Variants in TEKT5 observed in about 807,000 individuals in gnomAD.
TEKT5 encodes the protein tektin 5.
A neutral mutation model predicts 48.7 loss-of-function variants in TEKT5; 52 were observed. The ratio of observed to expected loss-of-function variants is 1.07; its 90% CI spans 0.86 to 1.35. TEKT5 has a LOEUF of 1.35. Ranked by LOEUF, TEKT5 falls within the 40% of genes most tolerant of loss-of-function variation. The pLI, the probability that TEKT5 is intolerant of heterozygous loss-of-function variation, is 0.00. For synonymous variants in TEKT5, 318 were observed against 267.6 expected, an observed-to-expected ratio of 1.19 and a Z score of -1.84; for missense variants, 831 against 641.6, an observed-to-expected ratio of 1.30 and a Z score of -3.19.
At chr16:10,628,555 G>C (rs13336239) in intron 6 of TEKT5, among the ~76,000 whole-genome samples, 7,753 of 152,228 alleles carry the variant, frequency 0.051, 636 homozygotes, top group African/African-American at 0.17. Flanking sequence ...TGGATGAGTG[G>C]ATAAGCACAA....
intron 5 of TEKT5, among the ~76,000 whole-genome samples, chr16:10,667,018 C>G (rs540075288): frequency 1.6e-4 from 23 of 142,622 alleles, no homozygotes; most frequent in African/African-American, 4.9e-4. Flanking sequence ...GGGTCTCACT[C>G]TGTTGCACAG....
intron 6 of TEKT5, among the ~76,000 whole-genome samples, chr16:10,635,039 A>G (rs954816447): frequency 1.3e-5 from 2 of 152,132 alleles, no homozygotes; most frequent in African/African-American, 2.4e-5. Flanking sequence ...TAGACAACTA[A>G]GATAATGCCC....
In TEKT5 at chr16:10,635,887, G is replaced by A; in HGVS notation, c.1118C>T (p.Thr373Ile). Residue 373 changes from threonine to isoleucine, a missense_variant, in exon 6 of 7, where the codon ACC becomes ATC. Transcript: ENST00000283025. ...GATGGACCTTTCCAGCAGCATGATG[G>A]TGTTCTCGGCCTGGAAGATCTCCTG... ...TLQEIFQAEN[T>I]IMLLERSIMA... 2 of 1,614,072 alleles carry A rather than the reference G, an allele frequency of 1.2e-6. No homozygotes were observed. The highest frequency in any genetic ancestry group is 1.7e-6 in the Non-Finnish European group (2 of 1,180,044).
Position 10,635,895 on chromosome 16 carries a change from G to A in TEKT5, c.1110C>T (p.Ala370=), listed in dbSNP as rs770152682. The change falls in exon 6 of 7, where the codon GCC becomes GCT. Residue 370 remains alanine, a synonymous_variant. Coordinates refer to ENST00000283025, the MANE Select transcript of TEKT5 (RefSeq NM_144674.2). ...LAKTLQEIFQ[A]ENTIMLLERS... is the part of the protein sequence containing the mutation. ...TTTCCAGCAGCATGATGGTGTTCTC[G>A]GCCTGGAAGATCTCCTGCAGCGTCT... 2.9e-5 allele frequency: 47 copies of A among 1,613,860 alleles called. No homozygotes were observed. Among genetic ancestry groups the A allele is most frequent in the African/African-American group, 9.3e-5 (7 of 74,886 alleles).
In TEKT5 at chr16:10,673,077, C is replaced by A. The variant is rs569940049; in HGVS notation, c.1086+2882G>T. Reference sequence around the variant, plus strand: ...CAAGTTTATAGAGGATTCATCATAACCATGCAGTCTGGCTCAGGGTCAGTG... The same window carrying A: ...CAAGTTTATAGAGGATTCATCATAAACATGCAGTCTGGCTCAGGGTCAGTG... On this transcript the variant is annotated intron_variant, in intron 5 of 6. Coordinates refer to ENST00000283025, the MANE Select transcript of TEKT5 (RefSeq NM_144674.2). Among the ~76,000 whole-genome samples, 14 of 152,234 alleles carry A rather than the reference C, an allele frequency of 9.2e-5. No homozygotes were observed. The South Asian group carries it at 2.5e-3, about 27-fold the overall frequency.
At chr16:10,666,434 C>T (rs1041065648) in intron 5 of TEKT5, among the ~76,000 whole-genome samples, 9 of 152,196 alleles carry the variant, frequency 5.9e-5, no homozygotes, top group Non-Finnish European at 8.8e-5. Context: ...GGCTGCCCTG[C>T]GCCGTGTGGG....
chr16:10,637,623 T>C (rs1897934879), intron 5 of TEKT5, among the ~76,000 whole-genome samples: 1 of 152,400 alleles, frequency 6.6e-6, no homozygotes, highest in Non-Finnish European at 1.5e-5. Context: ...TCTGAGAATG[T>C]TCTACATCTT....
chr16:10,661,414 C>T (rs1185888663), intron 5 of TEKT5, among the ~76,000 whole-genome samples: 1 of 152,204 alleles, frequency 6.6e-6, no homozygotes, highest in Non-Finnish European at 1.5e-5. Context: ...CACCCCAGAT[C>T]TCAGCACAGA....
intron 4 of TEKT5, among the ~76,000 whole-genome samples, chr16:10,679,325 C>T (rs777138017): frequency 1.1e-4 from 16 of 151,990 alleles, no homozygotes; most frequent in Admixed American, 6.6e-5. Context: ...GGCGTGGTGG[C>T]ATGTGCCTGC....
chr16:10,638,057 A>G (rs1422601502), intron 5 of TEKT5, among the ~76,000 whole-genome samples: 1 of 152,080 alleles, frequency 6.6e-6, no homozygotes, highest in Non-Finnish European at 1.5e-5. Context: ...AGCAACCATC[A>G]TGCCTCAACC....
chr16:10,667,869 AT>A (rs1898483714), intron 5 of TEKT5, among the ~76,000 whole-genome samples: 1 of 69,676 alleles, frequency 1.4e-5, no homozygotes, highest in Non-Finnish European at 2.5e-5. Context: ...AATGGGAAAA[AT>A]AAGTTAATAA....
Position 10,665,342 on chromosome 16 carries a change from C to A in TEKT5, c.1086+10617G>T, listed in dbSNP as rs1445588448. Among the ~76,000 whole-genome samples, 5 of 152,230 alleles carry A rather than the reference C, an allele frequency of 3.3e-5. No individual in the cohort carries two copies. The East Asian group carries it at 9.6e-4, about 29-fold the overall frequency. The stretch of plus-strand genomic sequence containing the variant: ...GAACCAATCCCAGTGATTGCCCTGC[C>A]CAGGGCTTCCAGGCAAAGCATATGA... On this transcript the variant is annotated intron_variant, in intron 5 of 6. Coordinates refer to ENST00000283025, the MANE Select transcript of TEKT5 (RefSeq NM_144674.2).
At chr16:10,693,177 C>A (rs975623618) in intron 1 of TEKT5, among the ~76,000 whole-genome samples, 3 of 152,162 alleles carry the variant, frequency 2.0e-5, no homozygotes, top group African/African-American at 4.8e-5. Context: ...CTCACTGCAA[C>A]CTCCGCCTCC....
intron 5 of TEKT5, among the ~76,000 whole-genome samples, chr16:10,637,764 G>A (rs2430644): frequency 0.55 from 84,357 of 152,110 alleles, 25,286 homozygotes; most frequent in Non-Finnish European, 0.69. Context: ...AATACAAGAC[G>A]CGAGTGGTGA....
chr16:10,658,137 G>A (rs1055111025), intron 5 of TEKT5, among the ~76,000 whole-genome samples: 1 of 152,156 alleles, frequency 6.6e-6, no homozygotes, highest in Non-Finnish European at 1.5e-5. Context: ...TGACTAGGAT[G>A]CAGAGAAACT....
chr16:10,633,505 C>A (rs1230933380), intron 6 of TEKT5, among the ~76,000 whole-genome samples: 2 of 152,108 alleles, frequency 1.3e-5, no homozygotes, highest in Admixed American at 6.5e-5. Flanking sequence ...GCACCCAGGA[C>A]CTAGACCCTA....
chr16:10,644,612 A>G (rs1365349296), intron 5 of TEKT5, among the ~76,000 whole-genome samples: 1 of 152,226 alleles, frequency 6.6e-6, no homozygotes, highest in East Asian at 1.9e-4. Context: ...TGCATGAATC[A>G]GTTTGTCTCC....
At chr16:10,652,396 A>AAC (rs1279915395) in intron 5 of TEKT5, among the ~76,000 whole-genome samples, 4 of 139,016 alleles carry the variant, frequency 2.9e-5, no homozygotes, top group Non-Finnish European at 4.6e-5. Flanking sequence ...CTCAGGCAAA[A>AAC]ACACACACAC....
chr16:10,692,456 T>TC (rs1898996630), intron 1 of TEKT5, among the ~76,000 whole-genome samples: 1 of 151,970 alleles, frequency 6.6e-6, no homozygotes, highest in South Asian at 2.1e-4. Flanking sequence ...GGTCCTGAGT[T>TC]CCCCACACAC....
Sources: allele counts gnomAD v4.1 joint callset (sites outside exome capture counted in the v4.1 genomes callset), GRCh38; gene constraint gnomAD v4.1.1; transcripts MANE v1.5; gene names NCBI Gene and HGNC (gene_info 2026-07-23, HGNC 2026-07-21).